The following OPCML variants were observed in gnomAD, a reference collection of about 807,000 sequenced individuals.
OPCML encodes opioid binding protein/cell adhesion molecule like.
OPCML carries 13 observed loss-of-function variants against 37.8 expected under a neutral mutation model. The observed-to-expected ratio is 0.34, with a 90% CI of 0.22 to 0.55. The LOEUF (loss-of-function observed/expected upper bound fraction) is 0.55. Among genes scored for constraint, OPCML ranks in the 20% least tolerant of loss-of-function variants. OPCML has a pLI of 0.91. For synonymous variants in OPCML, 176 were observed against 168.8 expected, an observed-to-expected ratio of 1.04 and a Z score of -0.33; for missense variants, 341 against 435.6, an observed-to-expected ratio of 0.78 and a Z score of 1.93.
chr11:132,625,967 G>A (rs1411170343), intron 3 of OPCML, among the ~76,000 whole-genome samples: 1 of 151,830 alleles, frequency 6.6e-6, no homozygotes, highest in African/African-American at 2.4e-5. Flanking sequence ...TTGTTATATT[G>A]TTTGAATCAT....
chr11:132,744,852 T>C (rs1945560122), intron 2 of OPCML, among the ~76,000 whole-genome samples: 1 of 152,130 alleles, frequency 6.6e-6, no homozygotes, highest in African/African-American at 2.4e-5. Context: ...GAGGCCACAG[T>C]GGTGAAACTA....
chr11:132,431,574 A>G (rs1215841750), intron 7 of OPCML, among the ~76,000 whole-genome samples: 1 of 152,180 alleles, frequency 6.6e-6, no homozygotes, highest in African/African-American at 2.4e-5. Flanking sequence ...ATCAGTGCCA[A>G]CAGCTGTTTC....
At chr11:132,832,341 G>T (rs1185322222) in intron 2 of OPCML, among the ~76,000 whole-genome samples, 1 of 151,350 alleles carries the variant, frequency 6.6e-6, no homozygotes, top group Non-Finnish European at 1.5e-5. Context: ...AAAGCTGGAA[G>T]CCTAAACCTC....
chr11:132,554,601 C>T (rs781778203), intron 3 of OPCML, among the ~76,000 whole-genome samples: 1 of 152,156 alleles, frequency 6.6e-6, no homozygotes, highest in Non-Finnish European at 1.5e-5. Flanking sequence ...GCAGGTACCA[C>T]CCCACCTGCT....
chr11:132,626,972 T>C (rs1939787385), intron 3 of OPCML, among the ~76,000 whole-genome samples: 1 of 151,546 alleles, frequency 6.6e-6, no homozygotes, highest in African/African-American at 2.4e-5. Context: ...ATTCAAATGA[T>C]GAAACACATC....
chr11:133,220,104 C>T (rs538377674), intron 1 of OPCML, among the ~76,000 whole-genome samples: 10 of 152,286 alleles, frequency 6.6e-5, no homozygotes, highest in Admixed American at 1.3e-4. Context: ...AGCTTCAACA[C>T]CCTTCCCATT....
At chr11:132,987,238 C>CA (rs1282209684) in intron 1 of OPCML, among the ~76,000 whole-genome samples, 9 of 152,030 alleles carry the variant, frequency 5.9e-5, no homozygotes, top group Non-Finnish European at 1.3e-4. Context: ...CATTCCTTGA[C>CA]AACAGTTTTG....
intron 4 of OPCML, among the ~76,000 whole-genome samples, chr11:132,506,694 C>A (rs2096257600): frequency 6.6e-6 from 1 of 151,948 alleles, no homozygotes; most frequent in Non-Finnish European, 1.5e-5. Context: ...TGCAAATGCT[C>A]CTGGAAAATA....
At chr11:133,088,350 A>G (rs1948849278) in intron 1 of OPCML, among the ~76,000 whole-genome samples, 1 of 152,200 alleles carries the variant, frequency 6.6e-6, no homozygotes, top group South Asian at 2.1e-4. Context: ...CATTTCCATA[A>G]GCCACCATTA....
chr11:132,833,021 G>A (rs1164795598), intron 2 of OPCML, among the ~76,000 whole-genome samples: 1 of 152,142 alleles, frequency 6.6e-6, no homozygotes, highest in Admixed American at 6.5e-5. Flanking sequence ...TGAGTGGTGA[G>A]TGGACATTAC....
At chr11:132,584,131 G>A (rs2096467571) in intron 3 of OPCML, among the ~76,000 whole-genome samples, 2 of 152,026 alleles carry the variant, frequency 1.3e-5, no homozygotes. Context: ...AAAATTACGG[G>A]AATTTGTGGC....
At chr11:133,251,561 G>C (rs1285807825) in intron 1 of OPCML, among the ~76,000 whole-genome samples, 3 of 145,550 alleles carry the variant, frequency 2.1e-5, no homozygotes, top group Non-Finnish European at 4.5e-5. Flanking sequence ...TTTTTTGTTT[G>C]TTTGTGTTCT....
intron 1 of OPCML, among the ~76,000 whole-genome samples, chr11:133,104,256 C>G (rs1338170521): frequency 2.6e-5 from 4 of 152,186 alleles, no homozygotes; most frequent in African/African-American, 9.7e-5. Context: ...GGCAGGCAGG[C>G]AGCAGGAGCT....
At position 133,488,737 on chromosome 11, in the gene OPCML, T is replaced by G. The variant is rs143155673; in HGVS notation, c.61+43527A>C. ...ATAAAAAACAATGCTAAATCTTATA[T>G]GGGACAAAATAAAAACCAGAATAGC... On this transcript the variant is annotated intron_variant, in intron 1 of 7. Transcript: ENST00000524381. Among the ~76,000 whole-genome samples the G allele has an allele frequency of 4.3e-3, 653 of 152,116 alleles. 6 individuals are homozygous for G. Among genetic ancestry groups the G allele is most frequent in the African/African-American group, 0.015 (622 of 41,514 alleles).
chr11:132,986,819 C>T (rs1484092431), intron 1 of OPCML, among the ~76,000 whole-genome samples: 4 of 151,948 alleles, frequency 2.6e-5, no homozygotes, highest in Non-Finnish European at 2.9e-5. Flanking sequence ...TAGGAAGTTC[C>T]CTATAGATTC....
intron 2 of OPCML, among the ~76,000 whole-genome samples, chr11:132,732,799 T>G (rs1188564774): frequency 1.4e-5 from 2 of 145,834 alleles, no homozygotes; most frequent in Non-Finnish European, 2.9e-5. Context: ...TGACACAGGT[T>G]GAAATATGTC....
chr11:133,058,459 C>T (rs1199136807), intron 1 of OPCML, among the ~76,000 whole-genome samples: 1 of 152,196 alleles, frequency 6.6e-6, no homozygotes, highest in Non-Finnish European at 1.5e-5. Context: ...CCAGCAAGAG[C>T]TCAGATAAAT....
At position 133,069,471 on chromosome 11, in the gene OPCML, A is replaced by G. The variant is rs78513259; in HGVS notation, c.62-126461T>C. ...AAGAGTTGCAGTTACACACAAGACC[A>G]TAGCTGGGGTGCAGGGGCGAGTGGC... On this transcript the variant is annotated intron_variant, in intron 1 of 7. Transcript: ENST00000524381. Among the ~76,000 whole-genome samples, 382 of 152,316 alleles carry G rather than the reference A, an allele frequency of 2.5e-3. 2 individuals carry two copies. Among genetic ancestry groups the G allele is most frequent in the African/African-American group, 8.0e-3 (333 of 41,578 alleles).
chr11:132,788,342 A>G (rs1335116795), intron 2 of OPCML, among the ~76,000 whole-genome samples: 1 of 151,640 alleles, frequency 6.6e-6, no homozygotes, highest in East Asian at 1.9e-4. Flanking sequence ...CTTACCCTCA[A>G]CCCCACATCC....
Sources: gnomAD v4.1 joint callset for allele counts (sites outside exome capture counted in the v4.1 genomes callset) on GRCh38, gnomAD v4.1.1 for gene constraint, MANE v1.5 for transcripts, NCBI Gene and HGNC (gene_info 2026-07-23, HGNC 2026-07-21) for gene names.